The following SLCO2B1 variants were observed in gnomAD, a reference collection of about 807,000 sequenced individuals.
SLCO2B1 encodes OATP-RP2.
SLCO2B1 carries 41 observed loss-of-function variants against 67.3 expected under a neutral mutation model. The ratio of observed to expected loss-of-function variants is 0.61; its 90% confidence interval spans 0.47 to 0.79. SLCO2B1 has a LOEUF of 0.79. Among genes scored for constraint, SLCO2B1 ranks in the 30% least tolerant of loss-of-function variants. The pLI is 0.00. For missense variants in SLCO2B1, 837 were observed against 920.1 expected (o/e 0.91, Z 1.17); for synonymous variants, 379 against 381.4 (o/e 0.99, Z 0.07).
intron 1 of SLCO2B1, among the ~76,000 whole-genome samples, chr11:75,158,334 G>A (rs1271234950): frequency 6.6e-6 from 1 of 152,228 alleles, no homozygotes; most frequent in African/African-American, 2.4e-5. Flanking sequence ...TCAAAAACTT[G>A]TGACTTTTTA....
rs766548153 is a variant in SLCO2B1, at chr11:75,162,705, A to G, written c.67A>G (p.Met23Val). Residue 23 changes from methionine (M) to valine (V), a missense_variant, in exon 2 of 14, where the codon ATG (methionine) becomes GTG (valine). Met to Val is a conservative substitution (Grantham distance 21). Transcript: ENST00000289575. ...ACCAGACAAGGAAACCAAAGCCACA[A>G]TGGGCACAGAAAACACACCTGGAGG... Reference protein sequence around the residue: ...QVPDKETKATMGTENTPGGKA... With the variant: ...QVPDKETKATVGTENTPGGKA... The G allele has an allele frequency of 1.2e-5, 20 of 1,613,502 alleles. No individual in the cohort carries two copies. Among genetic ancestry groups the G allele is most frequent in the South Asian group, 5.5e-5 (5 of 91,006 alleles).
chr11:75,196,985 G>A (rs963912650), intron 10 of SLCO2B1, among the ~76,000 whole-genome samples: 33 of 152,182 alleles, frequency 2.2e-4, no homozygotes, highest in Admixed American at 1.9e-3. Context: ...GCGTGGTGGT[G>A]TGCACCTGTA....
At chr11:75,182,966 C>A (rs1354070591) in intron 7 of SLCO2B1, among the ~76,000 whole-genome samples, 1 of 152,164 alleles carries the variant, frequency 6.6e-6, no homozygotes, top group Non-Finnish European at 1.5e-5. Context: ...TCTCTCTCAG[C>A]TGTCCAGGAC....
At chr11:75,195,650 C>T (rs1053092777) in intron 9 of SLCO2B1, among the ~76,000 whole-genome samples, 3 of 152,108 alleles carry the variant, frequency 2.0e-5, no homozygotes, top group Admixed American at 2.0e-4. Flanking sequence ...TGGGCCTCTG[C>T]CCCACACCCA....
intron 10 of SLCO2B1, among the ~76,000 whole-genome samples, chr11:75,197,426 C>T (rs945648180): frequency 2.0e-5 from 3 of 152,238 alleles, no homozygotes; most frequent in South Asian, 2.1e-4. Context: ...GGGGGAAATG[C>T]GCTCAGCAGA....
chr11:75,175,713 A>G (rs1271139487), intron 7 of SLCO2B1, among the ~76,000 whole-genome samples: 2 of 152,102 alleles, frequency 1.3e-5, no homozygotes, highest in Admixed American at 1.3e-4. Flanking sequence ...CTGGAGAAAT[A>G]TGTGAGCATT....
chr11:75,151,220 G>A lies in SLCO2B1; in HGVS notation c.-162G>A, dbSNP rs1949683502. ...TCTGATGTCCTGTGTGGCCCAAGAA[G>A]AACTGACCCCGTGTCTGGAGCTCCC... On this transcript the variant is annotated 5_prime_UTR_variant, in exon 1 of 14. Transcript: ENST00000289575. 4 of 634,010 alleles carry A rather than the reference G, an allele frequency of 6.3e-6. No homozygotes were observed. Among genetic ancestry groups the A allele is most frequent in the Middle Eastern group, 4.0e-4 (1 of 2,502 alleles). The allele number at this position is 634,010 out of a possible 1,614,324, so 39.3% of individuals were successfully genotyped here.
At chr11:75,159,022 T>C (rs1026893963) in intron 1 of SLCO2B1, among the ~76,000 whole-genome samples, 15 of 152,256 alleles carry the variant, frequency 9.9e-5, no homozygotes, top group African/African-American at 3.6e-4. Context: ...GGTGAGTCTC[T>C]GACTGACCAG....
At chr11:75,166,911 C>T (rs1321950490) in intron 4 of SLCO2B1, among the ~76,000 whole-genome samples, 1 of 152,214 alleles carries the variant, frequency 6.6e-6, no homozygotes, top group Non-Finnish European at 1.5e-5. Context: ...CTCCTCCCAC[C>T]AGCTCACACC....
chr11:75,169,037 G>A (rs1485964054), intron 4 of SLCO2B1, 136 bp from the exon 5 acceptor site: 1 of 667,724 alleles, frequency 1.5e-6, no homozygotes, highest in Non-Finnish European at 2.5e-6. Context: ...GGCATAATGA[G>A]AGCACTCACC....
intron 7 of SLCO2B1, among the ~76,000 whole-genome samples, chr11:75,175,069 G>T (rs1399468258): frequency 6.6e-6 from 1 of 152,180 alleles, no homozygotes; most frequent in African/African-American, 2.4e-5. Flanking sequence ...TGAAACCCTG[G>T]CTCCCCAGCT....
At chr11:75,199,248 G>A (rs1337456911) in intron 10 of SLCO2B1, among the ~76,000 whole-genome samples, 2 of 152,156 alleles carry the variant, frequency 1.3e-5, no homozygotes, top group Non-Finnish European at 2.9e-5. Flanking sequence ...TTCATCATGT[G>A]CATTGGTTCT....
intron 7 of SLCO2B1, among the ~76,000 whole-genome samples, chr11:75,185,167 G>A (rs185693155): frequency 1.3e-5 from 2 of 152,326 alleles, no homozygotes; most frequent in East Asian, 3.9e-4. Context: ...ACCCCCCAAG[G>A]TGGTGGCTGA....
Position 75,188,217 on chromosome 11 carries a change from A to G in SLCO2B1, c.1054A>G (p.Thr352Ala). The change falls in exon 8 of 14, where the codon ACT becomes GCT. Residue 352 changes from threonine to alanine, a missense_variant. By Grantham distance (58) the Thr-to-Ala change is moderately conservative (BLOSUM62 0). Transcript: ENST00000289575. ...CCTAGTCCAGATTGCACCAAACCTG[A>G]CTGTGATCCAGTTCATTAAAGGTAA... ...DGLVQIAPNLTVIQFIKVFPR... is the reference protein window; with the variant it reads ...DGLVQIAPNLAVIQFIKVFPR... The G allele has an allele frequency of 6.2e-7, 1 of 1,613,696 alleles. No individual in the cohort carries two copies. The highest frequency in any genetic ancestry group is 8.5e-7 in the Non-Finnish European group (1 of 1,179,602).
intron 7 of SLCO2B1, among the ~76,000 whole-genome samples, chr11:75,175,071 TC>T (rs1950007193): frequency 6.6e-6 from 1 of 152,086 alleles, no homozygotes; most frequent in African/African-American, 2.4e-5. Context: ...AAACCCTGGC[TC>T]CCCAGCTGTG....
chr11:75,151,709 C>G (rs1949693099), intron 1 of SLCO2B1: 1 of 462,518 alleles, frequency 2.2e-6, no homozygotes. Flanking sequence ...TTTCCCCTCT[C>G]AAAGGAGACA....
chr11:75,180,363 C>A (rs77580815), intron 7 of SLCO2B1, among the ~76,000 whole-genome samples: 8,906 of 152,110 alleles, frequency 0.059, 352 homozygotes, highest in Middle Eastern at 0.12. Flanking sequence ...GGATATATAC[C>A]CAGTAGTGGA....
intron 7 of SLCO2B1, among the ~76,000 whole-genome samples, chr11:75,173,370 T>C (rs571767878): frequency 5.9e-5 from 9 of 152,220 alleles, no homozygotes; most frequent in African/African-American, 2.2e-4. Flanking sequence ...CATGAAGGAT[T>C]TGGCTGTAGA....
chr11:75,159,881 G>T, intron 1 of SLCO2B1: 1 of 985,764 alleles, frequency 1.0e-6, no homozygotes, highest in Non-Finnish European at 1.2e-6. Context: ...AGGTGAGGCT[G>T]GAGTGGGAGA....
Sources: allele counts gnomAD v4.1 joint callset (sites outside exome capture counted in the v4.1 genomes callset), GRCh38; gene constraint gnomAD v4.1.1; transcripts MANE v1.5; gene names NCBI Gene and HGNC (gene_info 2026-07-23, HGNC 2026-07-21).